The following CAMTA2 variants were observed in gnomAD, a reference collection of about 807,000 sequenced individuals.
CAMTA2 encodes calmodulin-binding transcription activator 2.
A neutral mutation model predicts 135.7 loss-of-function variants in CAMTA2; 56 were observed. The ratio of observed to expected loss-of-function variants is 0.41; its 90% CI spans 0.33 to 0.52. The LOEUF is 0.52. CAMTA2 is among the 20% of genes least tolerant of loss of function. CAMTA2 has a pLI of 0.16. For missense variants in CAMTA2, 1,358 were observed against 1,553.4 expected (o/e 0.87, Z 2.11); for synonymous variants, 591 against 604.6 (o/e 0.98, Z 0.33).
chr17:4,973,727 A>G lies in CAMTA2; in HGVS notation c.2059T>C (p.Leu687=), dbSNP rs1972445202. The change falls in exon 13 of 23, where the codon TTG becomes CTG. Residue 687 remains leucine (L), a synonymous_variant. Coordinates refer to ENST00000348066, the MANE Select transcript of CAMTA2 (RefSeq NM_015099.4). The part of the protein sequence containing the change: ...GPGFEARVVV[L]VESMIPRSTW... ...GAGCGTGGGATCATGCTTTCTACCAAGACCACTACCCGTGCTTCGAACCCA... is the reference window on the plus strand; with the variant it reads ...GAGCGTGGGATCATGCTTTCTACCAGGACCACTACCCGTGCTTCGAACCCA... 3 of 1,613,808 alleles carry G rather than the reference A, an allele frequency of 1.9e-6. No individual in the cohort carries two copies. The South Asian group carries it at 3.3e-5, about 18-fold the overall frequency.
rs1215172635 is a variant in CAMTA2, at chr17:4,980,280, C to T, written c.1042G>A (p.Ala348Thr). 3.7e-6 allele frequency: 6 copies of T among 1,606,572 alleles called. No individual in the cohort carries two copies. Among genetic ancestry groups the T allele is most frequent in the Non-Finnish European group, 5.1e-6 (6 of 1,175,604 alleles). ...LTPTRHLAPQ[A>T]DPRPSMSLAV... is the part of the protein sequence containing the mutation. Reference sequence around the variant, plus strand: ...AAACTCATGGAAGGCCTAGGATCAGCCTGTGGAGCCAAGTGCCTGGTGGGC... The same window carrying T: ...AAACTCATGGAAGGCCTAGGATCAGTCTGTGGAGCCAAGTGCCTGGTGGGC... Residue 348 changes from alanine to threonine, a missense_variant, in exon 9 of 23, where the codon GCT (alanine) becomes ACT (threonine). Physicochemically the swap from Ala to Thr is moderately conservative, Grantham distance 58 (BLOSUM62 0). Transcript: ENST00000348066. The surrounding 1 kb of genome is among the most constrained non-coding windows in gnomAD (Gnocchi z 5.3).
intron 3 of CAMTA2, among the ~76,000 whole-genome samples, chr17:4,984,085 G>A (rs1300276841): frequency 6.6e-6 from 1 of 152,084 alleles, no homozygotes; most frequent in Non-Finnish European, 1.5e-5. Flanking sequence ...TGAGTAGCTG[G>A]GACTACAGGC....
rs1267779082 is a variant in CAMTA2 at position 4,973,638 on chromosome 17, G to A, written c.2148C>T (p.His716=). Residue 716 remains histidine, a synonymous_variant, in exon 13 of 23, where the codon CAC becomes CAT. Coordinates refer to ENST00000348066, the MANE Select transcript of CAMTA2 (RefSeq NM_015099.4). ...GSPFRGMSLL[H]LAAAQGYARL... Reference sequence around the variant, plus strand: ...GGGCATAGCCCTGGGCAGCAGCCAGGTGCAGAAGGCTCATGCCCCGGAAGG... The same window carrying A: ...GGGCATAGCCCTGGGCAGCAGCCAGATGCAGAAGGCTCATGCCCCGGAAGG... 1 of 1,614,008 alleles carries A rather than the reference G, an allele frequency of 6.2e-7. No individual in the cohort carries two copies. The highest frequency in any genetic ancestry group is 1.3e-5 in the African/African-American group (1 of 74,954).
At chr17:4,984,743 G>A (rs1973158439) in intron 3 of CAMTA2, among the ~76,000 whole-genome samples, 1 of 152,124 alleles carries the variant, frequency 6.6e-6, no homozygotes, top group Non-Finnish European at 1.5e-5. Flanking sequence ...GGTTCCAGCC[G>A]GGCGTGGTGG....
chr17:4,980,287 A>G lies in CAMTA2; in HGVS notation c.1035T>C (p.Ala345=). 6.2e-7 allele frequency: 1 copy of G among 1,608,850 alleles called. No individual in the cohort carries two copies. Residue 345 remains alanine (A), a synonymous_variant, in exon 9 of 23, where the codon GCT becomes GCC. Coordinates refer to ENST00000348066, the MANE Select transcript of CAMTA2 (RefSeq NM_015099.4). This position sits in a 1 kb window ranked among gnomAD's most constrained non-coding sequence, Gnocchi z 5.3. ...AGGLTPTRHL[A]PQADPRPSMS... ...TGGAAGGCCTAGGATCAGCCTGTGG[A>G]GCCAAGTGCCTGGTGGGCGTCAAGC...
Position 4,985,815 on chromosome 17 carries a change from C to T in CAMTA2, c.135+65G>A, listed in dbSNP as rs561441618. The T allele has an allele frequency of 5.1e-6, 5 of 979,672 alleles. No individual in the cohort carries two copies. In the South Asian group the frequency reaches 6.4e-5, roughly 13 times the overall value. 60.7% of individuals were successfully genotyped at this position (979,672 alleles called of 1,614,324 possible). On this transcript the variant is annotated intron_variant, in intron 3 of 22. Transcript: ENST00000348066. ...AGTGTTGACAGACACGGAAAGACCC[C>T]CCACTCACCCTCCTCCAGCCTACTA...
rs1009113924 is a variant in CAMTA2, at chr17:4,980,701, A to G, written c.701-80T>C. On this transcript the variant is annotated intron_variant, in intron 8 of 22. Transcript: ENST00000348066. This position sits in a 1 kb window ranked among gnomAD's most constrained non-coding sequence, Gnocchi z 5.3. ...TCTCTACCTTGAGGCCCTTAAAAGT[A>G]TTTCCTGGGACGTCCCTATAAACCA... 8.2e-6 allele frequency: 9 copies of G among 1,091,760 alleles called. No homozygotes were observed. Among genetic ancestry groups the G allele is most frequent in the Admixed American group, 1.9e-5 (1 of 52,304 alleles). 67.6% of individuals were successfully genotyped at this position (1,091,760 alleles called of 1,614,324 possible). A position where few individuals can be genotyped will look rare whatever the true frequency, so the allele number is the denominator to read the frequency against.
chr17:4,971,011 C>G (rs902162290), intron 16 of CAMTA2, among the ~76,000 whole-genome samples: 2 of 152,200 alleles, frequency 1.3e-5, no homozygotes, highest in Admixed American at 6.5e-5. Context: ...TCCTGCTGGA[C>G]ACACTCAACA....
chr17:4,978,653 A>G (rs369609455), intron 9 of CAMTA2, 23 bp from the exon 10 acceptor site: 5 of 1,607,996 alleles, frequency 3.1e-6, no homozygotes, highest in Non-Finnish European at 3.4e-6. Context: ...GTCAGAGACC[A>G]TGTGACTGGA....
chr17:4,969,050 AG>A lies in CAMTA2; in HGVS notation c.3471-70del. 1 of 1,588,100 alleles carries A rather than the reference AG, an allele frequency of 6.3e-7. No individual in the cohort carries two copies. ...TGCCTTCGGCCCCCCCAGGAACCCT[AG>A]GCAGGGAATGGCAGTGAGGCATGAT... On this transcript the variant is annotated intron_variant, in intron 21 of 22. Coordinates refer to ENST00000348066, the MANE Select transcript of CAMTA2 (RefSeq NM_015099.4). The surrounding 1 kb of genome is among the most constrained non-coding windows in gnomAD (Gnocchi z 5.6).
chr17:4,972,621 G>T, intron 15 of CAMTA2, 85 bp from the exon 16 acceptor site: 2 of 1,487,290 alleles, frequency 1.3e-6, no homozygotes, highest in Admixed American at 1.8e-5. Flanking sequence ...TCCTGTTCTC[G>T]GTCCCCGTCT....
chr17:4,987,308 T>C, intron 1 of CAMTA2: 3 of 1,344,712 alleles, frequency 2.2e-6, no homozygotes, highest in Non-Finnish European at 2.8e-6. Context: ...AGAGGGATGT[T>C]CTGGAGAAGC....
chr17:4,982,750 C>G lies in CAMTA2; in HGVS notation c.339+7G>C, dbSNP rs1973038939. ...GGGAAGATGAGCTGAATATCTGACT[C>G]TCTTACCTCCATGCCCTGGACCTTC... On this transcript the variant is annotated splice_region_variant and intron_variant, in intron 5 of 22. Coordinates refer to ENST00000348066, the MANE Select transcript of CAMTA2 (RefSeq NM_015099.4). 1.2e-6 allele frequency: 2 copies of G among 1,613,890 alleles called. No homozygotes were observed.
At position 4,971,685 on chromosome 17, in the gene CAMTA2, T is replaced by G. The variant is rs1032383058; in HGVS notation, c.2808+547A>C. On this transcript the variant is annotated intron_variant, in intron 16 of 22. Transcript: ENST00000348066. ...GCTTTTTATATTTTAAATCTTACTA[T>G]TTTGTCTTTTTTTTTTTTTTTTTGA... Among the ~76,000 whole-genome samples the G allele has an allele frequency of 3.1e-5, 4 of 128,526 alleles. No individual in the cohort carries two copies. The Admixed American group carries it at 3.7e-4, about 12-fold the overall frequency. 84.3% of individuals were successfully genotyped at this position (128,526 alleles called of 152,430 possible). A position where few individuals can be genotyped will look rare whatever the true frequency, so the allele number is the denominator to read the frequency against.
In CAMTA2 at chr17:4,987,656, G is replaced by A. The variant is rs1973453296; in HGVS notation, c.-128C>T. 2 of 1,519,706 alleles carry A rather than the reference G, an allele frequency of 1.3e-6. No homozygotes were observed. Among genetic ancestry groups the A allele is most frequent in the Non-Finnish European group, 1.8e-6 (2 of 1,138,714 alleles). 94.1% of individuals were successfully genotyped at this position (1,519,706 alleles called of 1,614,324 possible). A position where few individuals can be genotyped will look rare whatever the true frequency, so the allele number is the denominator to read the frequency against. On this transcript the variant is annotated 5_prime_UTR_variant, in exon 1 of 23. Transcript: ENST00000348066. ...CTACCCCACACCGACCCCCCCCAGCGCCGGCTGACAGCGGCGTCTAACGTC... is the reference window on the plus strand; with the variant it reads ...CTACCCCACACCGACCCCCCCCAGCACCGGCTGACAGCGGCGTCTAACGTC...
intron 11 of CAMTA2, 118 bp from the exon 12 acceptor site, chr17:4,974,618 C>G: frequency 1.5e-6 from 1 of 665,322 alleles, no homozygotes; most frequent in South Asian, 1.7e-5. Flanking sequence ...CTTTTATCTT[C>G]CCCAAAACAA....
At chr17:4,987,131 G>A (rs1973395551) in intron 1 of CAMTA2, 1 of 1,360,734 alleles carries the variant, frequency 7.3e-7, no homozygotes, top group Non-Finnish European at 9.4e-7. Flanking sequence ...CCGCCCCAGG[G>A]CGCAGGTGCG....
At chr17:4,972,648 T>C in intron 15 of CAMTA2, 112 bp from the exon 16 acceptor site, 1 of 1,430,682 alleles carries the variant, frequency 7.0e-7, no homozygotes, top group Non-Finnish European at 9.8e-7. Flanking sequence ...GCTTCTGTTA[T>C]CTCCCATCCC....
Position 4,970,037 on chromosome 17 carries a change from G to C in CAMTA2, c.3054C>G (p.Ser1018=), listed in dbSNP as rs753057836. ...TGGATGCAGAGAGAAACTCTGCCCA[G>C]GAGGGTGCTGAAGGGACAGCCAGGC... ...RGRLAVPSAP[S]WAEFLSASTS... The change falls in exon 18 of 23, where the codon TCC becomes TCG. Residue 1018 remains serine, a synonymous_variant. Coordinates refer to ENST00000348066, the MANE Select transcript of CAMTA2 (RefSeq NM_015099.4). The C allele has an allele frequency of 4.3e-6, 7 of 1,614,160 alleles. No individual in the cohort carries two copies. The highest frequency in any genetic ancestry group is 5.9e-6 in the Non-Finnish European group (7 of 1,180,042).
Sources: gnomAD v4.1 joint callset for allele counts (sites outside exome capture counted in the v4.1 genomes callset) on GRCh38, gnomAD v4.1.1 for gene constraint, Gnocchi (gnomAD v3.1) non-coding constraint, MANE v1.5 for transcripts, NCBI Gene and HGNC (gene_info 2026-07-23, HGNC 2026-07-21) for gene names.